Variants in GGACT observed in about 807,000 individuals in gnomAD.
The protein encoded by GGACT is gamma-glutamylamine cyclotransferase.
For missense variants in GGACT, 241 were observed against 233.2 expected (o/e 1.03, Z -0.22); for synonymous variants, 118 against 115.3 (o/e 1.02, Z -0.15).
intron 2 of GGACT, among the ~76,000 whole-genome samples, chr13:100,564,882 C>T (rs1005947903): frequency 2.0e-4 from 30 of 152,198 alleles, no homozygotes; most frequent in South Asian, 4.1e-4. Flanking sequence ...GGGAGGGAAG[C>T]CCAAGGCCCA....
At chr13:100,581,551 A>C (rs4772311) in intron 2 of GGACT, among the ~76,000 whole-genome samples, 34,132 of 152,222 alleles carry the variant, frequency 0.22, 4,070 homozygotes, top group Non-Finnish European at 0.26. Context: ...TGAGTAAATA[A>C]ATGCAAGAAA....
chr13:100,532,344 C>A lies in GGACT; in HGVS notation c.248G>T (p.Ser83Ile), dbSNP rs761731875. The A allele has an allele frequency of 1.1e-4, 175 of 1,550,506 alleles. No homozygotes were observed. Among genetic ancestry groups the A allele is most frequent in the South Asian group, 2.7e-4 (23 of 84,050 alleles). Residue 83 changes from serine to isoleucine, a missense_variant, in exon 3 of 3, where the codon AGT (serine) becomes ATT (isoleucine). By Grantham distance (142) the Ser-to-Ile change is moderately radical. Transcript: ENST00000683975. ...RMLRFLDDFE[S>I]CPALYQRTVL... ...CGTGCGCTGGTACAGGGCCGGGCAA[C>A]TCTCGAAGTCATCCAGAAAGCGCAG...
At chr13:100,575,535 T>C (rs9557453) in intron 2 of GGACT, among the ~76,000 whole-genome samples, 3,126 of 152,220 alleles carry the variant, frequency 0.021, 90 homozygotes, top group East Asian at 0.15. Context: ...TCAGACACAC[T>C]GGAGCAGCCC....
At chr13:100,547,094 G>A (rs1355240546) in intron 2 of GGACT, among the ~76,000 whole-genome samples, 2 of 152,126 alleles carry the variant, frequency 1.3e-5, no homozygotes, top group Non-Finnish European at 2.9e-5. Context: ...CATAGCCCTG[G>A]GGGCACATTC....
chr13:100,565,764 G>A (rs1404159632), intron 2 of GGACT, among the ~76,000 whole-genome samples: 1 of 152,118 alleles, frequency 6.6e-6, no homozygotes, highest in Non-Finnish European at 1.5e-5. Context: ...CAGCTGTGGG[G>A]ACTTCTGTGT....
At chr13:100,562,387 G>C (rs2088770988) in intron 2 of GGACT, among the ~76,000 whole-genome samples, 1 of 152,078 alleles carries the variant, frequency 6.6e-6, no homozygotes, top group Non-Finnish European at 1.5e-5. Flanking sequence ...ATCATGCCTG[G>C]CACCTCACGC....
chr13:100,573,884 C>CAA (rs34897728), intron 2 of GGACT, among the ~76,000 whole-genome samples: 1,352 of 119,118 alleles, frequency 0.011, 14 homozygotes, highest in South Asian at 0.054. Flanking sequence ...ATCAAAAAGT[C>CAA]AAAAAAAAAA....
At chr13:100,565,705 G>C (rs1256526259) in intron 2 of GGACT, among the ~76,000 whole-genome samples, 3 of 152,082 alleles carry the variant, frequency 2.0e-5, no homozygotes, top group African/African-American at 7.2e-5. Flanking sequence ...CCCCCTCAGA[G>C]CTAGAGTGAT....
chr13:100,571,368 A>C (rs1314964949), intron 2 of GGACT, among the ~76,000 whole-genome samples: 1 of 152,270 alleles, frequency 6.6e-6, no homozygotes, highest in Non-Finnish European at 1.5e-5. Context: ...TCTAATGATC[A>C]TATAGAAGTG....
intron 2 of GGACT, among the ~76,000 whole-genome samples, chr13:100,563,422 G>A (rs543424337): frequency 7.7e-4 from 118 of 152,270 alleles, no homozygotes; most frequent in African/African-American, 2.7e-3. Context: ...ATAACATTAT[G>A]TACTAAATAA....
At chr13:100,585,896 C>CAGG (rs1476122079) in intron 1 of GGACT, among the ~76,000 whole-genome samples, 1 of 138,606 alleles carries the variant, frequency 7.2e-6, no homozygotes, top group East Asian at 2.2e-4. Context: ...CCCAACTACT[C>CAGG]AGGAGGCTGA....
chr13:100,568,546 C>T (rs1351036532), intron 2 of GGACT, among the ~76,000 whole-genome samples: 1 of 152,210 alleles, frequency 6.6e-6, no homozygotes, highest in Non-Finnish European at 1.5e-5. Flanking sequence ...CCAGGTGCCT[C>T]CCATGACACG....
rs1171823197 is a variant in GGACT at position 100,545,598 on chromosome 13, T to C, written c.-10-12997A>G. 6.6e-6 allele frequency among the ~76,000 whole-genome samples: 1 copy of C among 152,274 alleles called. No individual in the cohort carries two copies. The highest frequency in any genetic ancestry group is 1.5e-5 in the Non-Finnish European group (1 of 68,052). ...CCCTGGGCTGCCTGCCTGCCTGGCA[T>C]GTGCCATGGAACTGGCACTCAGAAG... On this transcript the variant is annotated intron_variant, in intron 2 of 2. Coordinates refer to ENST00000683975, the MANE Select transcript of GGACT (RefSeq NM_001195087.2). This position sits in a 1 kb window ranked among gnomAD's most constrained non-coding sequence, Gnocchi z 4.4.
At chr13:100,574,573 C>T (rs1314279605) in intron 2 of GGACT, among the ~76,000 whole-genome samples, 1 of 152,036 alleles carries the variant, frequency 6.6e-6, no homozygotes, top group African/African-American at 2.4e-5. Flanking sequence ...GAGACCCCAT[C>T]TCAAAAAAGA....
chr13:100,588,274 G>A (rs1594202762), intron 1 of GGACT, among the ~76,000 whole-genome samples: 1 of 152,200 alleles, frequency 6.6e-6, no homozygotes. Flanking sequence ...AAATTCACAA[G>A]TGCCAGGAGA....
Position 100,534,534 on chromosome 13 carries a change from G to A in GGACT, c.-10-1933C>T, listed in dbSNP as rs145868600. ...AGAGCAGCGCTGGTGTCTGGAGAGG[G>A]CACTGGATGGAAGCAGCTGTCTACA... is the stretch of plus-strand genomic sequence containing the variant. On this transcript the variant is annotated intron_variant, in intron 2 of 2. Coordinates refer to ENST00000683975, the MANE Select transcript of GGACT (RefSeq NM_001195087.2). This position sits in a 1 kb window ranked among gnomAD's most constrained non-coding sequence, Gnocchi z 4.9. 3.3e-4 allele frequency among the ~76,000 whole-genome samples: 50 copies of A among 152,226 alleles called. No individual in the cohort carries two copies. The highest frequency in any genetic ancestry group is 1.2e-3 in the African/African-American group (49 of 41,520).
At chr13:100,566,892 A>G (rs1874905433) in intron 2 of GGACT, among the ~76,000 whole-genome samples, 1 of 152,188 alleles carries the variant, frequency 6.6e-6, no homozygotes, top group Admixed American at 6.5e-5. Flanking sequence ...CACAATCCCA[A>G]TTGCATGTAG....
chr13:100,579,148 T>A (rs192577958), intron 2 of GGACT, among the ~76,000 whole-genome samples: 3 of 152,342 alleles, frequency 2.0e-5, no homozygotes, highest in Non-Finnish European at 2.9e-5. Context: ...GGACTCCGAA[T>A]GAGGAAGGCA....
In GGACT at chr13:100,552,890, C is replaced by G. The variant is rs77689709; in HGVS notation, c.-10-20289G>C. 7.3e-3 allele frequency among the ~76,000 whole-genome samples: 1,107 copies of G among 152,232 alleles called. 56 individuals are homozygous for G. The highest frequency in any genetic ancestry group is 0.063 in the Admixed American group (962 of 15,282). ...AGAGTGGGGACAATGAGTCCCGCAT[C>G]AGGACCAGGTGTCAAGTGTCCTGCA... is the stretch of plus-strand genomic sequence containing the variant. On this transcript the variant is annotated intron_variant, in intron 2 of 2. Transcript: ENST00000683975.
Sources: gnomAD v4.1 joint callset for allele counts (sites outside exome capture counted in the v4.1 genomes callset) on GRCh38, gnomAD v4.1.1 for gene constraint, Gnocchi (gnomAD v3.1) non-coding constraint, MANE v1.5 for transcripts, NCBI Gene and HGNC (gene_info 2026-07-23, HGNC 2026-07-21) for gene names.